The following MARCHF1 variants were observed in gnomAD, a reference collection of about 807,000 sequenced individuals.
The protein encoded by MARCHF1 is E3 ubiquitin-protein ligase MARCHF1.
In MARCHF1, 40 loss-of-function variants were observed where a neutral mutation model predicts 54.2. The observed-to-expected ratio is 0.74, with a 90% CI of 0.57 to 0.96. The LOEUF is 0.96. Among genes scored for constraint, MARCHF1 ranks in the 40% least tolerant of loss-of-function variants. The probability of loss-of-function intolerance (pLI) is 0.00; values close to 1 mark genes in which losing one functional copy is unlikely to be tolerated. For missense variants in MARCHF1, 586 were observed against 656.5 expected (o/e 0.89, Z 1.17); for synonymous variants, 236 against 236.3 (o/e 1.00, Z 0.01).
chr4:163,847,400 C>T (rs976281321), intron 4 of MARCHF1, among the ~76,000 whole-genome samples: 1 of 151,948 alleles, frequency 6.6e-6, no homozygotes, highest in Admixed American at 6.6e-5. Context: ...CATGTATTAT[C>T]AGTAAATTTG....
chr4:164,142,717 G>A (rs886282210), intron 1 of MARCHF1, among the ~76,000 whole-genome samples: 1 of 152,132 alleles, frequency 6.6e-6, no homozygotes, highest in African/African-American at 2.4e-5. Flanking sequence ...CCACAAAAAT[G>A]GGGAAAAAAC....
At chr4:164,356,729 A>G (rs1328774707) in intron 1 of MARCHF1, among the ~76,000 whole-genome samples, 1 of 135,832 alleles carries the variant, frequency 7.4e-6, no homozygotes, top group Non-Finnish European at 1.6e-5. Context: ...TAACCTGCAC[A>G]TTGTGCACAT....
At chr4:163,747,034 G>C (rs942823749) in intron 4 of MARCHF1, among the ~76,000 whole-genome samples, 40 of 152,132 alleles carry the variant, frequency 2.6e-4, no homozygotes, top group African/African-American at 9.7e-4. Context: ...TGAGGTAAAG[G>C]GAACAAAGTT....
rs10604087 is a variant in MARCHF1, at chr4:164,139,492, CAAA to C, written c.-322-27833_-322-27831del. ...CAGCAACAGCTGAGCTATCTAAAGTCAAAAAAAAAAAAAAGAAGGAAAGGAGAA... is the reference window on the plus strand; with the variant it reads ...CAGCAACAGCTGAGCTATCTAAAGTCAAAAAAAAAAAGAAGGAAAGGAGAA... On this transcript the variant is annotated intron_variant, in intron 1 of 9. Transcript: ENST00000514618. Among the ~76,000 whole-genome samples, 1,059 of 129,842 alleles carry C rather than the reference CAAA, an allele frequency of 8.2e-3. 15 individuals are homozygous for C. The highest frequency in any genetic ancestry group is 0.027 in the African/African-American group (1,009 of 37,574). 85.2% of individuals were successfully genotyped at this position (129,842 alleles called of 152,430 possible). A position where few individuals can be genotyped will look rare whatever the true frequency, so the allele number is the denominator to read the frequency against.
intron 4 of MARCHF1, among the ~76,000 whole-genome samples, chr4:163,746,794 G>A (rs764858332): frequency 3.3e-5 from 5 of 152,010 alleles, no homozygotes; most frequent in Admixed American, 6.6e-5. Flanking sequence ...CATCTGTATC[G>A]TGCTACCCAT....
chr4:163,545,395 A>G (rs1310141282), intron 9 of MARCHF1, among the ~76,000 whole-genome samples: 2 of 152,214 alleles, frequency 1.3e-5, no homozygotes, highest in African/African-American at 4.8e-5. Context: ...TTCACATCTC[A>G]GCTTGGGACT....
intron 1 of MARCHF1, among the ~76,000 whole-genome samples, chr4:164,216,120 CTG>C (rs1731923512): frequency 6.6e-6 from 1 of 152,180 alleles, no homozygotes; most frequent in East Asian, 1.9e-4. Context: ...TTGAAAGTCT[CTG>C]TGAAACAAAC....
chr4:164,319,213 A>G (rs989166101), intron 1 of MARCHF1, among the ~76,000 whole-genome samples: 1 of 152,190 alleles, frequency 6.6e-6, no homozygotes, highest in African/African-American at 2.4e-5. Context: ...ATCTTTACAT[A>G]GCATTTAACT....
chr4:164,311,034 A>G (rs1173331429), intron 1 of MARCHF1, among the ~76,000 whole-genome samples: 1 of 152,174 alleles, frequency 6.6e-6, no homozygotes, highest in African/African-American at 2.4e-5. Flanking sequence ...TTCCAAGGAA[A>G]ATAAAAAGTG....
intron 3 of MARCHF1, among the ~76,000 whole-genome samples, chr4:163,884,449 G>A (rs1001710858): frequency 3.3e-5 from 5 of 151,964 alleles, no homozygotes; most frequent in Admixed American, 6.6e-5. Context: ...CTTTTAAAAT[G>A]AAAGTGTCCC....
chr4:164,140,755 C>CACAT (rs71913315), intron 1 of MARCHF1, among the ~76,000 whole-genome samples: 11 of 145,344 alleles, frequency 7.6e-5, no homozygotes, highest in Non-Finnish European at 1.6e-4. Context: ...CATACACACA[C>CACAT]ACATACATAC....
At chr4:164,221,790 A>C (rs1732120487) in intron 1 of MARCHF1, among the ~76,000 whole-genome samples, 1 of 152,004 alleles carries the variant, frequency 6.6e-6, no homozygotes, top group Non-Finnish European at 1.5e-5. Flanking sequence ...GAAAAGGTAA[A>C]GGGTTATGAT....
chr4:164,011,675 G>A (rs1405989317), intron 2 of MARCHF1, among the ~76,000 whole-genome samples: 3 of 152,180 alleles, frequency 2.0e-5, no homozygotes, highest in African/African-American at 7.2e-5. Context: ...CTGTTGGTGA[G>A]AATGTAAATT....
At chr4:163,960,227 C>T (rs913835521) in intron 3 of MARCHF1, among the ~76,000 whole-genome samples, 1 of 151,944 alleles carries the variant, frequency 6.6e-6, no homozygotes, top group African/African-American at 2.4e-5. Flanking sequence ...TTATTTCAAC[C>T]GTTGTGGAAA....
intron 1 of MARCHF1, among the ~76,000 whole-genome samples, chr4:164,263,005 T>C (rs1188724541): frequency 6.6e-6 from 1 of 152,234 alleles, no homozygotes; most frequent in South Asian, 2.1e-4. Context: ...AAGTTACAAA[T>C]GGCTTCAGGA....
At chr4:164,237,145 A>C (rs891503915) in intron 1 of MARCHF1, among the ~76,000 whole-genome samples, 1 of 152,078 alleles carries the variant, frequency 6.6e-6, no homozygotes, top group Non-Finnish European at 1.5e-5. Context: ...TTTTATTTGG[A>C]AATCTTTGAA....
intron 5 of MARCHF1, among the ~76,000 whole-genome samples, chr4:163,677,958 T>A (rs1365391909): frequency 6.6e-6 from 1 of 152,242 alleles, no homozygotes; most frequent in Admixed American, 6.5e-5. Flanking sequence ...GTTGGAAGGA[T>A]GAATTCATTC....
chr4:163,994,203 T>C lies in MARCHF1; in HGVS notation c.-247-5494A>G, dbSNP rs184073856. Among the ~76,000 whole-genome samples, 28 of 151,804 alleles carry C rather than the reference T, an allele frequency of 1.8e-4. No individual in the cohort carries two copies. In the East Asian group the frequency reaches 5.3e-3, roughly 29 times the overall value. On this transcript the variant is annotated intron_variant, in intron 2 of 9. Transcript: ENST00000514618. ...GGAAGGTCTTTAATTACTGCTTGCC[T>C]CAGAATTGGGTCAGAACCTGTCCAC...
intron 4 of MARCHF1, among the ~76,000 whole-genome samples, chr4:163,711,571 G>C (rs75476824): frequency 1.3e-5 from 2 of 152,200 alleles, no homozygotes; most frequent in African/African-American, 4.8e-5. Context: ...AATGGAAGAG[G>C]GTGAGTTTAG....
Sources: gnomAD v4.1 joint callset for allele counts (sites outside exome capture counted in the v4.1 genomes callset) on GRCh38, gnomAD v4.1.1 for gene constraint, MANE v1.5 for transcripts, NCBI Gene and HGNC (gene_info 2026-07-23, HGNC 2026-07-21) for gene names.